The following CDH18 variants were observed in gnomAD, a reference collection of about 807,000 sequenced individuals.
CDH18 encodes cadherin 18.
Under a neutral mutation model 67.9 loss-of-function variants are expected in CDH18, and 31 were observed. The ratio of observed to expected loss-of-function variants is 0.46; its 90% CI spans 0.34 to 0.62. The LOEUF is 0.62. CDH18 is among the 20% of genes least tolerant of loss of function. CDH18 has a pLI of 0.01. For synonymous variants in CDH18, 362 were observed against 347.2 expected (o/e 1.04, Z -0.48); for missense variants, 890 against 975.5 (o/e 0.91, Z 1.17).
chr5:19,699,964 A>G (rs1763024769), intron 5 of CDH18, among the ~76,000 whole-genome samples: 1 of 152,158 alleles, frequency 6.6e-6, no homozygotes, highest in African/African-American at 2.4e-5. Flanking sequence ...ACAAAAGTGT[A>G]CTTGTACCCC....
chr5:20,412,384 C>T (rs946318208), intron 1 of CDH18, among the ~76,000 whole-genome samples: 4 of 152,132 alleles, frequency 2.6e-5, no homozygotes, highest in South Asian at 2.1e-4. Context: ...GGAATAAAGT[C>T]CTCAAACTAT....
chr5:20,543,876 A>G (rs1269509050), intron 1 of CDH18, among the ~76,000 whole-genome samples: 1 of 152,192 alleles, frequency 6.6e-6, no homozygotes, highest in Non-Finnish European at 1.5e-5. Context: ...GAAGGTAGAA[A>G]CTGATTGTAT....
chr5:20,238,453 A>G (rs1393597766), intron 2 of CDH18, among the ~76,000 whole-genome samples: 2 of 152,154 alleles, frequency 1.3e-5, no homozygotes, highest in Non-Finnish European at 2.9e-5. Flanking sequence ...TATGTAGGCA[A>G]ATATGCACAT....
chr5:19,628,517 A>C (rs1330725747), intron 5 of CDH18, among the ~76,000 whole-genome samples: 1 of 152,090 alleles, frequency 6.6e-6, no homozygotes, highest in East Asian at 1.9e-4. Context: ...AGTCCTGGAT[A>C]TATGTTGACG....
chr5:20,372,490 G>T (rs1442138112), intron 1 of CDH18, among the ~76,000 whole-genome samples: 6 of 151,768 alleles, frequency 4.0e-5, no homozygotes, highest in Admixed American at 2.6e-4. Context: ...TTAAGAGCTA[G>T]ATCTTTAAGT....
At chr5:20,478,570 C>A (rs545573737) in intron 1 of CDH18, among the ~76,000 whole-genome samples, 3 of 152,096 alleles carry the variant, frequency 2.0e-5, no homozygotes, top group African/African-American at 7.2e-5. Flanking sequence ...ACTTGAGTGC[C>A]AGCTCAGAAG....
At chr5:19,825,492 C>G (rs1463280201) in intron 3 of CDH18, among the ~76,000 whole-genome samples, 2 of 152,064 alleles carry the variant, frequency 1.3e-5, no homozygotes, top group South Asian at 2.1e-4. Context: ...AAGCACTGGA[C>G]AGCAGATTAG....
At chr5:20,456,126 A>G (rs1206317669) in intron 1 of CDH18, among the ~76,000 whole-genome samples, 1 of 152,116 alleles carries the variant, frequency 6.6e-6, no homozygotes, top group African/African-American at 2.4e-5. Flanking sequence ...AAAACCTAGT[A>G]AAATTTTAGG....
intron 1 of CDH18, among the ~76,000 whole-genome samples, chr5:20,369,348 C>A (rs77055268): frequency 6.6e-6 from 1 of 152,084 alleles, no homozygotes; most frequent in African/African-American, 2.4e-5. Flanking sequence ...CTAATTGCAA[C>A]CTGCAAAAAG....
chr5:19,737,604 C>T (rs1267626001), intron 4 of CDH18, among the ~76,000 whole-genome samples: 1 of 152,114 alleles, frequency 6.6e-6, no homozygotes, highest in African/African-American at 2.4e-5. Context: ...ACAAAACTAT[C>T]CAAAATTATG....
At chr5:20,157,774 C>CT (rs1270714436) in intron 2 of CDH18, among the ~76,000 whole-genome samples, 15 of 151,698 alleles carry the variant, frequency 9.9e-5, no homozygotes, top group Admixed American at 4.6e-4. Flanking sequence ...TCCTGAGTAG[C>CT]GGGACTACAG....
At chr5:19,965,372 G>C (rs1393177275) in intron 2 of CDH18, among the ~76,000 whole-genome samples, 2 of 152,156 alleles carry the variant, frequency 1.3e-5, no homozygotes, top group East Asian at 1.9e-4. Flanking sequence ...CCACAATTCT[G>C]ACAAATAAGA....
At chr5:19,987,121 T>C (rs1215521121) in intron 1 of CDH18, among the ~76,000 whole-genome samples, 1 of 152,196 alleles carries the variant, frequency 6.6e-6, no homozygotes, top group African/African-American at 2.4e-5. Context: ...GCAAGGAACA[T>C]TTATTCTTGA....
At chr5:20,376,993 G>A (rs1437271336) in intron 1 of CDH18, among the ~76,000 whole-genome samples, 1 of 149,550 alleles carries the variant, frequency 6.7e-6, no homozygotes, top group African/African-American at 2.5e-5. Context: ...CCCCAACCTG[G>A]GTGACAAGAA....
At chr5:19,616,352 T>C (rs1371963677) in intron 5 of CDH18, among the ~76,000 whole-genome samples, 1 of 151,846 alleles carries the variant, frequency 6.6e-6, no homozygotes, top group Non-Finnish European at 1.5e-5. Flanking sequence ...CATTTGAACA[T>C]AGTGAAAACA....
Position 19,504,451 on chromosome 5 carries a change from AGATT to A in CDH18, c.1513-1346_1513-1343del, listed in dbSNP as rs1310861892. 5.9e-5 allele frequency among the ~76,000 whole-genome samples: 9 copies of A among 151,912 alleles called. No homozygotes were observed. In the Admixed American group the frequency reaches 5.9e-4, roughly 10 times the overall value. On this transcript the variant is annotated intron_variant, in intron 10 of 12. Transcript: ENST00000382275. The stretch of plus-strand genomic sequence containing the variant: ...ATTTGAATACAACTAGTCTCTGGGT[AGATT>A]GTTTTTCCCCTTGTTTTCACTTAGA...
chr5:19,609,437 GC>G (rs1362899347), intron 6 of CDH18, among the ~76,000 whole-genome samples: 1 of 151,880 alleles, frequency 6.6e-6, no homozygotes, highest in African/African-American at 2.4e-5. Context: ...CTGACAAGCA[GC>G]CTGTTTCCTC....
chr5:19,484,921 GTCATTAGACAA>G (rs1740120278), intron 11 of CDH18, among the ~76,000 whole-genome samples: 1 of 152,106 alleles, frequency 6.6e-6, no homozygotes, highest in South Asian at 2.1e-4. Context: ...AAGTAAGTGG[GTCATTAGACAA>G]TTACAATTAG....
rs531050909 is a variant in CDH18 at position 20,426,809 on chromosome 5, C to T, written c.-580+148653G>A. Among the ~76,000 whole-genome samples the T allele has an allele frequency of 7.9e-5, 12 of 151,276 alleles. No homozygotes were observed. The East Asian group carries it at 2.3e-3, about 29-fold the overall frequency. On this transcript the variant is annotated intron_variant, in intron 1 of 14. Coordinates refer to the CDH18 transcript ENST00000507958. ...AACTTTTAATGATATGCACCCCCTA[C>T]CTTCTAATAGAAAGATAGGTTGCAA...
Sources: gnomAD v4.1 joint callset for allele counts (sites outside exome capture counted in the v4.1 genomes callset) on GRCh38, gnomAD v4.1.1 for gene constraint, MANE v1.5 for transcripts, NCBI Gene and HGNC (gene_info 2026-07-23, HGNC 2026-07-21) for gene names.